The following ZNF215 variants were observed in gnomAD, a reference collection of about 807,000 sequenced individuals.
The protein encoded by ZNF215 is zinc finger protein 215, also known as BWSCR2-associated zinc finger protein 2.
Under a neutral mutation model 27.2 loss-of-function variants are expected in ZNF215, and 24 were observed. The observed-to-expected ratio is 0.88, with a 90% CI of 0.64 to 1.24. ZNF215 has a LOEUF of 1.24. Among genes scored for constraint, ZNF215 ranks in the 50% most tolerant of loss-of-function variants. The pLI, the probability that ZNF215 is intolerant of heterozygous loss-of-function variation, is 0.00. For missense variants in ZNF215, 675 were observed against 605.7 expected, an observed-to-expected ratio of 1.11 and a Z score of -1.20; for synonymous variants, 210 against 204.0, an observed-to-expected ratio of 1.03 and a Z score of -0.25.
rs1425778960 is a variant in ZNF215, at chr11:6,932,552, G to A, written c.280G>A (p.Glu94Lys). ...GCAGATTATAGAACTGTTGGTGCTG[G>A]AACAATTCCTGGCAATCCTGCCTGA... Reference protein sequence around the residue: ...KKQIIELLVLEQFLAILPEEV... With the variant: ...KKQIIELLVLKQFLAILPEEV... Residue 94 changes from glutamate (E) to lysine (K), a missense_variant, in exon 3 of 7, where the codon GAA (glutamate) becomes AAA (lysine). Transcript: ENST00000278319. 9 of 1,614,180 alleles carry A rather than the reference G, an allele frequency of 5.6e-6. No individual in the cohort carries two copies. The highest frequency in any genetic ancestry group is 7.6e-6 in the Non-Finnish European group (9 of 1,180,036).
At chr11:6,960,658 T>C (rs961417765), downstream of ZNF215, among the ~76,000 whole-genome samples, 1 of 152,112 alleles carries the variant, frequency 6.6e-6, no homozygotes, top group Admixed American at 6.5e-5. Context: ...GTAACCCAGG[T>C]GTCATTGCCA....
In ZNF215 at chr11:6,957,059, C is replaced by A; in HGVS notation, c.*528C>A. On this transcript the variant is annotated 3_prime_UTR_variant, in exon 7 of 7. Transcript: ENST00000278319. ...GCCATTTACTCCACTCCTGACAATA[C>A]CCTTTGTTGTCTTGCTGTTGAATGG... 1 of 985,874 alleles carries A rather than the reference C, an allele frequency of 1.0e-6. No homozygotes were observed. 61.1% of individuals were successfully genotyped at this position (985,874 alleles called of 1,614,324 possible).
At chr11:6,943,971 A>G (rs568660287) in intron 6 of ZNF215, among the ~76,000 whole-genome samples, 1 of 152,276 alleles carries the variant, frequency 6.6e-6, no homozygotes, top group African/African-American at 2.4e-5. Flanking sequence ...TGTGCCTAGT[A>G]CACTTAGAAT....
chr11:6,981,298 C>T (rs1378907855), intron 5 of ZNF215, among the ~76,000 whole-genome samples: 1 of 149,470 alleles, frequency 6.7e-6, no homozygotes, highest in Non-Finnish European at 1.5e-5. Context: ...TAATGATTGC[C>T]ATTCTAACTG....
chr11:6,967,283 G>A (rs899874144), intron 5 of ZNF215, among the ~76,000 whole-genome samples: 4 of 152,176 alleles, frequency 2.6e-5, no homozygotes, highest in African/African-American at 7.2e-5. Flanking sequence ...ATGTATGTGT[G>A]TATTTATAGT....
intron 6 of ZNF215, among the ~76,000 whole-genome samples, chr11:6,953,563 C>T (rs978285263): frequency 2.6e-5 from 4 of 152,302 alleles, no homozygotes; most frequent in Non-Finnish European, 4.4e-5. Flanking sequence ...ACATAGTTCT[C>T]GAGCCTTGGT....
downstream of ZNF215, chr11:6,984,770 A>T (rs1272047700): frequency 6.6e-6 from 1 of 152,122 alleles, no homozygotes; most frequent in Non-Finnish European, 1.5e-5. Flanking sequence ...ACATAAACTA[A>T]CTTTTTAGAA....
At chr11:6,949,808 A>G (rs1023043765) in intron 6 of ZNF215, among the ~76,000 whole-genome samples, 14 of 152,158 alleles carry the variant, frequency 9.2e-5, no homozygotes, top group African/African-American at 2.7e-4. Context: ...GTCCTTGCCC[A>G]CGCCTATGTC....
intron 3 of ZNF215, among the ~76,000 whole-genome samples, 155 bp from the exon 4 acceptor site, chr11:6,941,416 C>T (rs1849626703): frequency 6.6e-6 from 1 of 152,122 alleles, no homozygotes; most frequent in Admixed American, 6.5e-5. Context: ...CTAGGCCTGA[C>T]CTTTGAAGAT....
downstream of ZNF215, among the ~76,000 whole-genome samples, chr11:6,986,462 G>C (rs146912656): frequency 2.0e-5 from 3 of 151,710 alleles, no homozygotes; most frequent in Non-Finnish European, 2.9e-5. Flanking sequence ...TCTTGATATT[G>C]GCCTTGGGAA....
At chr11:6,929,019 G>A (rs1849161987) in intron 2 of ZNF215, among the ~76,000 whole-genome samples, 1 of 152,138 alleles carries the variant, frequency 6.6e-6, no homozygotes, top group Admixed American at 6.5e-5. Context: ...GTACTCCAGA[G>A]GGATTCATTA....
At chr11:6,938,661 G>A (rs1849523122) in intron 3 of ZNF215, among the ~76,000 whole-genome samples, 1 of 151,984 alleles carries the variant, frequency 6.6e-6, no homozygotes, top group Non-Finnish European at 1.5e-5. Context: ...GACCCAAAAG[G>A]TCACATACTA....
chr11:6,952,832 A>G (rs1462559002), intron 6 of ZNF215, among the ~76,000 whole-genome samples: 2 of 151,650 alleles, frequency 1.3e-5, no homozygotes, highest in Non-Finnish European at 1.5e-5. Context: ...CGTAGCCTCG[A>G]TGGTCTTTAC....
At chr11:6,990,741 A>G (rs1851105986), downstream of ZNF215, among the ~76,000 whole-genome samples, 1 of 152,252 alleles carries the variant, frequency 6.6e-6, no homozygotes, top group Non-Finnish European at 1.5e-5. Flanking sequence ...CCAGATCCCC[A>G]AAACACACAC....
downstream of ZNF215, among the ~76,000 whole-genome samples, chr11:6,962,976 C>G (rs1265133190): frequency 1.3e-5 from 2 of 151,964 alleles, no homozygotes; most frequent in African/African-American, 4.8e-5. Context: ...CCCTTGTATT[C>G]TAGGTTTCTC....
chr11:6,992,572 G>A (rs1048960130), downstream of ZNF215, among the ~76,000 whole-genome samples: 9 of 152,198 alleles, frequency 5.9e-5, no homozygotes, highest in African/African-American at 1.7e-4. Context: ...ATTAGATTTC[G>A]AGGACAGGAC....
At chr11:6,946,359 C>T (rs1052914357) in intron 6 of ZNF215, among the ~76,000 whole-genome samples, 10 of 152,174 alleles carry the variant, frequency 6.6e-5, no homozygotes, top group African/African-American at 2.4e-4. Flanking sequence ...TCCAATCTCA[C>T]CTTGCACCAC....
At chr11:6,962,692 G>T (rs1850540861), downstream of ZNF215, among the ~76,000 whole-genome samples, 3 of 152,070 alleles carry the variant, frequency 2.0e-5, no homozygotes, top group South Asian at 6.2e-4. Context: ...ATCAACATCT[G>T]TTGGGATTTG....
At chr11:6,970,264 GA>G (rs1174842812) in intron 5 of ZNF215, among the ~76,000 whole-genome samples, 4 of 152,060 alleles carry the variant, frequency 2.6e-5, no homozygotes, top group Non-Finnish European at 5.9e-5. Context: ...AATTTGTACA[GA>G]AAAAAATGAT....
Sources: gnomAD v4.1 joint callset for allele counts (sites outside exome capture counted in the v4.1 genomes callset) on GRCh38, gnomAD v4.1.1 for gene constraint, MANE v1.5 for transcripts, NCBI Gene and HGNC (gene_info 2026-07-23, HGNC 2026-07-21) for gene names.